The following CA10 variants were observed in gnomAD, a reference collection of about 807,000 sequenced individuals.
CA10 encodes carbonic anhydrase-related protein 10.
In CA10, 14 loss-of-function variants were observed where a neutral mutation model predicts 44.2. That is an observed-to-expected ratio of 0.32 (90% CI 0.21 to 0.50). CA10 has a LOEUF of 0.50. CA10 is among the 20% of genes least tolerant of loss of function. The pLI, the probability that CA10 is intolerant of heterozygous loss-of-function variation, is 0.99. For synonymous variants in CA10, 159 were observed against 141.6 expected (o/e 1.12, Z -0.87); for missense variants, 350 against 409.7 (o/e 0.85, Z 1.26).
intron 1 of CA10, among the ~76,000 whole-genome samples, chr17:52,134,128 C>T (rs1329229945): frequency 6.6e-6 from 1 of 152,150 alleles, no homozygotes; most frequent in African/African-American, 2.4e-5. Flanking sequence ...TCATTTCTTC[C>T]CTACTTCGAA....
rs1912524309 is a variant in CA10 at position 51,630,563 on chromosome 17, C to T, written c.*1021G>A. 1 of 152,612 alleles carries T rather than the reference C, an allele frequency of 6.6e-6. No individual in the cohort carries two copies. The highest frequency in any genetic ancestry group is 2.4e-5 in the African/African-American group (1 of 41,448). The allele number at this position is 152,612 out of a possible 1,614,324, so 9.5% of individuals were successfully genotyped here. A position where few individuals can be genotyped will look rare whatever the true frequency, so the allele number is the denominator to read the frequency against. On this transcript the variant is annotated 3_prime_UTR_variant, in exon 9 of 9. Transcript: ENST00000451037. ...TCGCCTGCTATCTCAGGCTGAAGCT[C>T]ACCTCATGTGAATGATTGAGCCATG...
At chr17:52,128,793 C>T (rs978439123) in intron 1 of CA10, among the ~76,000 whole-genome samples, 3 of 152,240 alleles carry the variant, frequency 2.0e-5, no homozygotes, top group South Asian at 2.1e-4. Flanking sequence ...TTTGGGCATG[C>T]CTTTATTCTG....
chr17:52,063,882 C>T (rs1161337947), intron 2 of CA10, among the ~76,000 whole-genome samples: 1 of 152,196 alleles, frequency 6.6e-6, no homozygotes, highest in Non-Finnish European at 1.5e-5. Context: ...TGTACACACC[C>T]TCTAGTATGA....
At position 51,979,769 on chromosome 17, in the gene CA10, T is replaced by C. The variant is rs571462714; in HGVS notation, c.137-48637A>G. On this transcript the variant is annotated intron_variant, in intron 2 of 8. Transcript: ENST00000451037. ...GATTCCATGAAATGCAGGAGCTACA[T>C]TTTCTGTTACTGCTATTGTTTGTTA... Among the ~76,000 whole-genome samples the C allele has an allele frequency of 7.9e-5, 12 of 152,282 alleles. No homozygotes were observed. The East Asian group carries it at 2.1e-3, about 27-fold the overall frequency.
rs534500377 is a variant in CA10, at chr17:51,732,838, ACACAG to A, written c.465+14790_465+14794del. ...GTGGGACCATTTCTGCCCTCTATAT[ACACAG>A]AAAATAAAAAATAAAAAAAAGACAG... On this transcript the variant is annotated intron_variant, in intron 4 of 8. Coordinates refer to ENST00000451037, the MANE Select transcript of CA10 (RefSeq NM_020178.5). Among the ~76,000 whole-genome samples, 95 of 152,176 alleles carry A rather than the reference ACACAG, an allele frequency of 6.2e-4. No homozygotes were observed. The South Asian group carries it at 0.019, about 31-fold the overall frequency.
At chr17:51,836,465 A>G (rs1908480657) in intron 3 of CA10, among the ~76,000 whole-genome samples, 1 of 152,224 alleles carries the variant, frequency 6.6e-6, no homozygotes, top group Non-Finnish European at 1.5e-5. Flanking sequence ...GTGAGCTCAC[A>G]GGATGGAGGC....
chr17:51,928,250 A>G (rs942459017), intron 3 of CA10, among the ~76,000 whole-genome samples: 7 of 152,286 alleles, frequency 4.6e-5, no homozygotes, highest in Non-Finnish European at 7.4e-5. Context: ...CATGAAACAC[A>G]GTTTGAACTG....
intron 4 of CA10, among the ~76,000 whole-genome samples, chr17:51,674,277 C>T (rs1914537348): frequency 6.6e-6 from 1 of 152,134 alleles, no homozygotes; most frequent in South Asian, 2.1e-4. Context: ...TGAATTGATC[C>T]AACTGATTCC....
chr17:51,892,125 G>T (rs1159927255), intron 3 of CA10, among the ~76,000 whole-genome samples: 1 of 152,150 alleles, frequency 6.6e-6, no homozygotes, highest in African/African-American at 2.4e-5. Context: ...GGCTGGACTT[G>T]GAGAGAATAG....
intron 2 of CA10, chr17:52,070,487 C>A (rs73987404): frequency 0.061 from 9,345 of 152,170 alleles, 294 homozygotes; most frequent in South Asian, 0.13. Context: ...ATGAAGAACC[C>A]AGGGAGCTGA....
At chr17:51,959,059 C>G (rs1983770532) in intron 2 of CA10, among the ~76,000 whole-genome samples, 1 of 151,864 alleles carries the variant, frequency 6.6e-6, no homozygotes, top group Admixed American at 6.6e-5. Context: ...CTAGGACAGC[C>G]CAAATCCCAG....
intron 4 of CA10, among the ~76,000 whole-genome samples, chr17:51,706,501 A>G (rs1367986364): frequency 5.3e-5 from 8 of 152,200 alleles, no homozygotes. Context: ...GGTTCAAGCT[A>G]TCAGCATCTC....
At chr17:51,700,009 A>G (rs1002692502) in intron 4 of CA10, among the ~76,000 whole-genome samples, 1 of 150,996 alleles carries the variant, frequency 6.6e-6, no homozygotes, top group Admixed American at 6.6e-5. Context: ...TGAAGGGAGA[A>G]GGCATGCAAA....
intron 1 of CA10, among the ~76,000 whole-genome samples, chr17:52,078,067 A>G (rs77851796): frequency 1.7e-3 from 265 of 152,350 alleles, no homozygotes; most frequent in Non-Finnish European, 3.1e-3. Context: ...AAACTTCCCA[A>G]AGATGATGTG....
intron 3 of CA10, among the ~76,000 whole-genome samples, chr17:51,758,449 A>G (rs984317281): frequency 6.6e-6 from 1 of 152,238 alleles, no homozygotes; most frequent in African/African-American, 2.4e-5. Flanking sequence ...GGCTAAATCA[A>G]GAGAATGCTC....
At chr17:51,741,379 G>A (rs909401470) in intron 4 of CA10, among the ~76,000 whole-genome samples, 1 of 152,194 alleles carries the variant, frequency 6.6e-6, no homozygotes, top group Non-Finnish European at 1.5e-5. Context: ...CTTTCCCAGA[G>A]AAATTCCAGA....
rs879941962 is a variant in CA10 at position 51,635,520 on chromosome 17, GA to G, written c.789+334del. The stretch of plus-strand genomic sequence containing the variant: ...AAGAGCGAGACTCCATCTCAAAAAA[GA>G]AAAAAAAAAAGATGGAGGTAGAGCT... On this transcript the variant is annotated intron_variant, in intron 7 of 8. Coordinates refer to ENST00000451037, the MANE Select transcript of CA10 (RefSeq NM_020178.5). 3.7e-3 allele frequency among the ~76,000 whole-genome samples: 511 copies of G among 138,858 alleles called. 1 individual carries two copies. The highest frequency in any genetic ancestry group is 0.015 in the Middle Eastern group (4 of 262). The allele number at this position is 138,858 out of a possible 152,430, so 91.1% of individuals were successfully genotyped here.
chr17:51,930,227 C>CGAG (rs1567889456), intron 3 of CA10, among the ~76,000 whole-genome samples: 1 of 151,628 alleles, frequency 6.6e-6, no homozygotes, highest in Non-Finnish European at 1.5e-5. Context: ...TTCCATTTCT[C>CGAG]TTAACAATAG....
intron 1 of CA10, among the ~76,000 whole-genome samples, chr17:52,115,661 C>T (rs934532285): frequency 3.3e-5 from 5 of 152,188 alleles, no homozygotes; most frequent in Admixed American, 1.3e-4. Context: ...AGCAGCTCCC[C>T]GCCCCCCTCC....
Sources: gnomAD v4.1 joint callset for allele counts (sites outside exome capture counted in the v4.1 genomes callset) on GRCh38, gnomAD v4.1.1 for gene constraint, MANE v1.5 for transcripts, NCBI Gene and HGNC (gene_info 2026-07-23, HGNC 2026-07-21) for gene names.